The following TRAPPC8 variants were observed in gnomAD, a reference collection of about 807,000 sequenced individuals.
The protein encoded by TRAPPC8 is general sporulation gene 1 homolog.
Under a neutral mutation model 174.3 loss-of-function variants are expected in TRAPPC8, and 54 were observed. The observed-to-expected ratio is 0.31, with a 90% CI of 0.25 to 0.39. The LOEUF (loss-of-function observed/expected upper bound fraction) is 0.39, where lower values mean the gene tolerates loss of function less well. Among genes scored for constraint, TRAPPC8 ranks in the 10% least tolerant of loss-of-function variants. The pLI, the probability that TRAPPC8 is intolerant of heterozygous loss-of-function variation, is 1.00. For missense variants in TRAPPC8, 1,531 were observed against 1,699.1 expected, an observed-to-expected ratio of 0.90 and a Z score of 1.74; for synonymous variants, 630 against 579.9, an observed-to-expected ratio of 1.09 and a Z score of -1.24.
intron 2 of TRAPPC8, among the ~76,000 whole-genome samples, chr18:31,918,671 CAA>C (rs1328025455): frequency 6.6e-6 from 1 of 152,134 alleles, no homozygotes; most frequent in African/African-American, 2.4e-5. Context: ...ATGACAGTAA[CAA>C]AGCCTCTTAA....
chr18:31,846,596 C>A, intron 26 of TRAPPC8, 120 bp downstream of exon 26: 1 of 805,412 alleles, frequency 1.2e-6, no homozygotes, highest in East Asian at 2.5e-5. Context: ...CAAAAAAAAC[C>A]AAAAAACAAA....
At chr18:31,836,758 C>CTT (rs68104803) in intron 27 of TRAPPC8, among the ~76,000 whole-genome samples, 94 of 89,830 alleles carry the variant, frequency 1.0e-3, no homozygotes, top group African/African-American at 2.6e-3. Context: ...ATCTTTCAGT[C>CTT]TTTTTTTTTT....
Position 31,849,630 on chromosome 18 carries a change from T to C in TRAPPC8, c.3671A>G (p.Glu1224Gly), listed in dbSNP as rs753777096. The C allele has an allele frequency of 1.9e-6, 3 of 1,613,356 alleles. No individual in the cohort carries two copies. Among genetic ancestry groups the C allele is most frequent in the African/African-American group, 2.7e-5 (2 of 75,016 alleles). ...LPVHTEKQSTEDAVRLIQKCS... is the reference protein window; with the variant it reads ...LPVHTEKQSTGDAVRLIQKCS... ...TTTTTGAATCAATCTCACAGCATCC[T>C]CTGTTGACTGTTTTTCTGTATGCAC... The change falls in exon 25 of 29, where the codon GAG becomes GGG. Residue 1224 changes from glutamate to glycine, a missense_variant. Transcript: ENST00000283351.
Position 31,905,107 on chromosome 18 carries a change from G to A in TRAPPC8, c.1389+2353C>T, listed in dbSNP as rs117254357. Among the ~76,000 whole-genome samples, 175 of 151,176 alleles carry A rather than the reference G, an allele frequency of 1.2e-3. 3 individuals carry two copies. The East Asian group carries it at 0.025, about 22-fold the overall frequency. On this transcript the variant is annotated intron_variant, in intron 9 of 28. Coordinates refer to ENST00000283351, the MANE Select transcript of TRAPPC8 (RefSeq NM_014939.5). The stretch of plus-strand genomic sequence containing the variant: ...TTTATTTTGCCTTTGTAGTTACTAT[G>A]ACTAAATATCTTCTATAATTTTCAT...
intron 1 of TRAPPC8, among the ~76,000 whole-genome samples, chr18:31,935,548 T>TAAAAAAAAAAAAAAAAAAAAAAAAAAAAA (rs10650702): frequency 2.2e-5 from 1 of 46,286 alleles, no homozygotes; most frequent in Non-Finnish European, 3.5e-5. Flanking sequence ...AACTCCATCT[T>TAAAAAAAAAAAAAAAAAAAAAAAAAAAAA]AAAAAAAAAA....
In TRAPPC8 at chr18:31,907,494, T is replaced by G. The variant is rs907323037; in HGVS notation, c.1355A>C (p.Asn452Thr). 1 of 1,602,780 alleles carries G rather than the reference T, an allele frequency of 6.2e-7. No individual in the cohort carries two copies. The highest frequency in any genetic ancestry group is 8.5e-7 in the Non-Finnish European group (1 of 1,173,222). ...AGCTGCATAAAGCATTGCTTGATCA[T>G]TAAGAAAATCTTTCTTTGCAGTATG... ...CYHTAKKDFL[N>T]DQAMLYAAGA... The change falls in exon 9 of 29, where the codon AAT becomes ACT. Residue 452 changes from asparagine (N) to threonine (T), a missense_variant. Asn to Thr is a moderately conservative substitution (Grantham distance 65). Transcript: ENST00000283351.
chr18:31,903,191 G>A (rs1276748751), intron 9 of TRAPPC8, among the ~76,000 whole-genome samples: 1 of 152,022 alleles, frequency 6.6e-6, no homozygotes, highest in Non-Finnish European at 1.5e-5. Context: ...CCAGAGAGAA[G>A]CTTTGGCCCA....
At chr18:31,875,185 T>C (rs903430906) in intron 12 of TRAPPC8, among the ~76,000 whole-genome samples, 53 of 152,102 alleles carry the variant, frequency 3.5e-4, no homozygotes, top group Non-Finnish European at 2.9e-5. Flanking sequence ...ATGCTATGTC[T>C]ACAAAGAGTT....
intron 9 of TRAPPC8, among the ~76,000 whole-genome samples, chr18:31,901,895 G>C (rs2036443881): frequency 6.6e-6 from 1 of 152,222 alleles, no homozygotes; most frequent in South Asian, 2.1e-4. Context: ...AGGCCTAGTG[G>C]TTAGGTGTGT....
At chr18:31,851,877 T>TA (rs890851560) in intron 24 of TRAPPC8, among the ~76,000 whole-genome samples, 5 of 151,778 alleles carry the variant, frequency 3.3e-5, no homozygotes, top group Non-Finnish European at 4.4e-5. Context: ...TCTTGCTTTT[T>TA]AAAAAAAATA....
chr18:31,910,732 C>T (rs1206423192), intron 5 of TRAPPC8, among the ~76,000 whole-genome samples: 3 of 152,126 alleles, frequency 2.0e-5, no homozygotes, highest in Admixed American at 1.3e-4. Flanking sequence ...GGATGTAAAA[C>T]CTCTAAACTA....
chr18:31,899,781 C>T (rs1259345922), intron 10 of TRAPPC8, among the ~76,000 whole-genome samples: 1 of 151,802 alleles, frequency 6.6e-6, no homozygotes, highest in East Asian at 1.9e-4. Context: ...ACCTTCTCTA[C>T]TAAAAATACA....
intron 27 of TRAPPC8, among the ~76,000 whole-genome samples, chr18:31,838,228 T>A (rs1378885891): frequency 6.6e-6 from 1 of 152,242 alleles, no homozygotes; most frequent in East Asian, 1.9e-4. Context: ...AGCTAGCATC[T>A]TCTCAGTAGC....
chr18:31,832,092 T>C lies in TRAPPC8; in HGVS notation c.4065A>G (p.Lys1355=). ...ACTAAACAAATCTTTACCTTGTTGT[T>C]TTATGCCGAAGATCAACTATGACAT... ...DVDVIVDLRH[K]TTSPEALEIH... is the part of the protein sequence containing the mutation. The change falls in exon 28 of 29, where the codon AAA becomes AAG. Residue 1355 remains lysine, a synonymous_variant. Transcript: ENST00000283351. 6.5e-7 allele frequency: 1 copy of C among 1,538,340 alleles called. No individual in the cohort carries two copies. Among genetic ancestry groups the C allele is most frequent in the African/African-American group, 1.4e-5 (1 of 70,018 alleles).
At chr18:31,906,156 C>G (rs557536461) in intron 9 of TRAPPC8, among the ~76,000 whole-genome samples, 3 of 149,304 alleles carry the variant, frequency 2.0e-5, no homozygotes, top group Non-Finnish European at 3.0e-5. Context: ...CAGCGAAACC[C>G]TGTCTATACT....
intron 19 of TRAPPC8, 105 bp from the exon 20 acceptor site, chr18:31,858,087 A>G: frequency 4.2e-6 from 4 of 953,212 alleles, no homozygotes; most frequent in South Asian, 3.5e-5. Context: ...AAGGTTTACA[A>G]GTGTTTCATT....
Position 31,897,522 on chromosome 18 carries a change from C to G in TRAPPC8, c.1596+264G>C, listed in dbSNP as rs142506873. On this transcript the variant is annotated intron_variant, in intron 11 of 28. Transcript: ENST00000283351. ...CAATATTCTTATTCAAAGGACAAAA[C>G]GTAATAAGTCACAGAGTATGCTCAA... 1.4e-4 allele frequency among the ~76,000 whole-genome samples: 21 copies of G among 152,010 alleles called. No individual in the cohort carries two copies. In the South Asian group the frequency reaches 3.7e-3, roughly 27 times the overall value.
intron 12 of TRAPPC8, among the ~76,000 whole-genome samples, chr18:31,890,135 T>C (rs2035890969): frequency 6.6e-6 from 1 of 152,194 alleles, no homozygotes; most frequent in African/African-American, 2.4e-5. Flanking sequence ...TTTCCATTTA[T>C]ATTTATAGTA....
intron 26 of TRAPPC8, among the ~76,000 whole-genome samples, chr18:31,840,758 T>C (rs2144971697): frequency 6.9e-6 from 1 of 144,228 alleles, no homozygotes; most frequent in South Asian, 2.3e-4. Context: ...CCTTTTTCAG[T>C]GTAAGTTTGC....
Sources: allele counts gnomAD v4.1 joint callset (sites outside exome capture counted in the v4.1 genomes callset), GRCh38; gene constraint gnomAD v4.1.1; transcripts MANE v1.5; gene names NCBI Gene and HGNC (gene_info 2026-07-23, HGNC 2026-07-21).